PLEKHA7: variants seen among roughly 807,000 people sequenced by gnomAD.
The protein encoded by PLEKHA7 is pleckstrin homology domain-containing family A member 7.
PLEKHA7 carries 104 observed loss-of-function variants against 170.0 expected under a neutral mutation model. That is an observed-to-expected ratio of 0.61 (90% confidence interval 0.52 to 0.72). PLEKHA7 has a LOEUF of 0.72. Ranked by LOEUF, PLEKHA7 falls within the 30% of genes least tolerant of loss-of-function variation. The probability of loss-of-function intolerance (pLI) is 0.00; values close to 1 mark genes in which losing one functional copy is unlikely to be tolerated. For missense variants in PLEKHA7, 1,615 were observed against 1,671.7 expected (o/e 0.97, Z 0.59); for synonymous variants, 648 against 660.8 (o/e 0.98, Z 0.30).
intron 3 of PLEKHA7, among the ~76,000 whole-genome samples, chr11:16,888,399 GAC>G (rs1491145351): frequency 0.014 from 2,143 of 152,078 alleles, 7 homozygotes; most frequent in African/African-American, 0.049. Context: ...TTGTTGAGTA[GAC>G]GGGGGGGAAA....
intron 13 of PLEKHA7, among the ~76,000 whole-genome samples, chr11:16,808,049 G>C (rs1196213445): frequency 2.0e-5 from 3 of 152,220 alleles, no homozygotes; most frequent in Non-Finnish European, 4.4e-5. Flanking sequence ...TTGTGGTGCA[G>C]ATCTGGGGTG....
At position 16,826,609 on chromosome 11, in the gene PLEKHA7, A is replaced by T. The variant is rs767989643; in HGVS notation, c.873-19T>A. 1 of 1,597,002 alleles carries T rather than the reference A, an allele frequency of 6.3e-7. No homozygotes were observed. Among genetic ancestry groups the T allele is most frequent in the Non-Finnish European group, 8.5e-7 (1 of 1,170,744 alleles). ...CATATCCCTGCAATGACAGCAGCAC[A>T]TTCAGTTTGCTCCACAGCCAAGACT... On this transcript the variant is annotated intron_variant, in intron 9 of 26. Coordinates refer to ENST00000531066, the MANE Select transcript of PLEKHA7 (RefSeq NM_001329630.2).
intron 12 of PLEKHA7, among the ~76,000 whole-genome samples, chr11:16,815,745 G>C (rs1386354224): frequency 6.6e-6 from 1 of 152,018 alleles, no homozygotes; most frequent in Admixed American, 6.6e-5. Context: ...TGAACTCCTG[G>C]CCTCAAATGA....
chr11:16,803,797 C>T (rs1362452944), intron 13 of PLEKHA7, among the ~76,000 whole-genome samples: 4 of 152,246 alleles, frequency 2.6e-5, no homozygotes, highest in Admixed American at 6.5e-5. Flanking sequence ...CCCACTTCCC[C>T]GTGGGTAAGG....
intron 4 of PLEKHA7, among the ~76,000 whole-genome samples, chr11:16,859,217 G>A: frequency 6.6e-6 from 1 of 152,176 alleles, no homozygotes; most frequent in Non-Finnish European, 1.5e-5. Context: ...TCTTTGAAAG[G>A]ACAAGGCACA....
chr11:16,846,288 C>A (rs1445160930), intron 8 of PLEKHA7, among the ~76,000 whole-genome samples: 1 of 149,406 alleles, frequency 6.7e-6, no homozygotes, highest in Middle Eastern at 3.2e-3. Flanking sequence ...CCATGGAAAG[C>A]AAAAAGGAAA....
At chr11:17,009,840 G>A (rs1332330555) in intron 3 of PLEKHA7, among the ~76,000 whole-genome samples, 1 of 151,860 alleles carries the variant, frequency 6.6e-6, no homozygotes, top group African/African-American at 2.4e-5. Context: ...TGTTGCCCAG[G>A]CTGATCTTGA....
In PLEKHA7 at chr11:16,801,056, T is replaced by C. The variant is rs780034181; in HGVS notation, c.2327A>G (p.Asn776Ser). 6.2e-7 allele frequency: 1 copy of C among 1,614,102 alleles called. No individual in the cohort carries two copies. Among genetic ancestry groups the C allele is most frequent in the African/African-American group, 1.3e-5 (1 of 74,932 alleles). ...ATCATTCTCCAACTTCAGGTATTCG[T>C]TCCAAGCATTTTCCATCTCCTGTTG... ...RESTEMENAW[N>S]EYLKLENDVE... The change falls in exon 17 of 27, where the codon AAC (asparagine) becomes AGC (serine). Residue 776 changes from asparagine to serine, a missense_variant. Transcript: ENST00000531066.
chr11:16,951,502 T>A (rs1861405500), intron 3 of PLEKHA7, among the ~76,000 whole-genome samples: 1 of 151,978 alleles, frequency 6.6e-6, no homozygotes. Flanking sequence ...TTTTATTAGT[T>A]CCCATGTATA....
intron 3 of PLEKHA7, among the ~76,000 whole-genome samples, chr11:16,885,611 C>T (rs1358383568): frequency 6.8e-6 from 1 of 146,548 alleles, no homozygotes; most frequent in East Asian, 2.1e-4. Flanking sequence ...AAAAATTGGC[C>T]CAGAATTTTC....
At chr11:16,991,127 C>T (rs12418132) in intron 3 of PLEKHA7, among the ~76,000 whole-genome samples, 52,493 of 151,896 alleles carry the variant, frequency 0.35, 9,735 homozygotes, top group Middle Eastern at 0.43. Flanking sequence ...GCCGGAGTAC[C>T]CAAGGCCCAG....
At chr11:17,005,352 T>C (rs1864923394) in intron 3 of PLEKHA7, among the ~76,000 whole-genome samples, 1 of 152,076 alleles carries the variant, frequency 6.6e-6, no homozygotes, top group Middle Eastern at 3.2e-3. Context: ...GCCAACATGG[T>C]GAAACCCCGT....
At chr11:16,795,262 A>AT in intron 17 of PLEKHA7, 1 of 502,358 alleles carries the variant, frequency 2.0e-6, no homozygotes, top group Non-Finnish European at 3.6e-6. Context: ...TACCTAATTT[A>AT]AAAACAGACT....
rs567682164 is a variant in PLEKHA7, at chr11:16,918,312, C to T, written c.222-47130G>A. 5.9e-5 allele frequency among the ~76,000 whole-genome samples: 9 copies of T among 152,284 alleles called. No homozygotes were observed. In the East Asian group the frequency reaches 1.7e-3, roughly 29 times the overall value. ...CAGCAACAACCTAGCAACCCAACCA[C>T]GTTCATTTCCACTTGAGCCTGGTAC... On this transcript the variant is annotated intron_variant, in intron 3 of 26. Coordinates refer to ENST00000531066, the MANE Select transcript of PLEKHA7 (RefSeq NM_001329630.2).
At chr11:16,867,050 T>C (rs1300802481) in intron 4 of PLEKHA7, among the ~76,000 whole-genome samples, 1 of 151,812 alleles carries the variant, frequency 6.6e-6, no homozygotes, top group Non-Finnish European at 1.5e-5. Context: ...CTACCTAAGA[T>C]TGTCACTGCA....
rs1176480209 is a variant in PLEKHA7, at chr11:16,969,800, C to T, written c.221+44189G>A. Among the ~76,000 whole-genome samples the T allele has an allele frequency of 3.3e-5, 5 of 152,194 alleles. No individual in the cohort carries two copies. The South Asian group carries it at 6.2e-4, about 19-fold the overall frequency. On this transcript the variant is annotated intron_variant, in intron 3 of 26. Transcript: ENST00000531066. ...GCACCAGAGTCCAACAGTGCCAAGG[C>T]CAGGTCAGGATTACACTGGGAGTTC... is the stretch of plus-strand genomic sequence containing the variant.
intron 3 of PLEKHA7, among the ~76,000 whole-genome samples, chr11:17,004,148 A>G (rs1223053057): frequency 6.6e-6 from 1 of 152,226 alleles, no homozygotes; most frequent in African/African-American, 2.4e-5. Flanking sequence ...TACATAATAA[A>G]TTAAATTGAG....
intron 8 of PLEKHA7, among the ~76,000 whole-genome samples, chr11:16,846,465 T>G (rs1037735856): frequency 1.3e-5 from 2 of 152,162 alleles, no homozygotes; most frequent in Non-Finnish European, 2.9e-5. Flanking sequence ...GCCCACTGGG[T>G]AACCCTGGGT....
At chr11:16,898,229 C>G (rs541786213) in intron 3 of PLEKHA7, among the ~76,000 whole-genome samples, 1 of 152,170 alleles carries the variant, frequency 6.6e-6, no homozygotes, top group Non-Finnish European at 1.5e-5. Context: ...CTGTCTGGAT[C>G]TTTTATCAAA....
Sources: allele counts gnomAD v4.1 joint callset (sites outside exome capture counted in the v4.1 genomes callset), GRCh38; gene constraint gnomAD v4.1.1; transcripts MANE v1.5; gene names NCBI Gene and HGNC (gene_info 2026-07-23, HGNC 2026-07-21).